Variants in DOCK8 observed in about 807,000 individuals in gnomAD.
The protein encoded by DOCK8 is dedicator of cytokinesis 8, also known as dedicator of cytokinesis protein 8.
A neutral mutation model predicts 245.6 loss-of-function variants in DOCK8; 141 were observed. The ratio of observed to expected loss-of-function variants is 0.57; its 90% CI spans 0.50 to 0.66. The LOEUF is 0.66. Among genes scored for constraint, DOCK8 ranks in the 30% least tolerant of loss-of-function variants. The pLI is 0.00. For synonymous variants in DOCK8, 1,168 were observed against 970.2 expected (o/e 1.20, Z -3.79); for missense variants, 2,965 against 2,603.4 (o/e 1.14, Z -3.02).
chr9:276,598 A>C (rs374200503), intron 2 of DOCK8, among the ~76,000 whole-genome samples: 1 of 152,182 alleles, frequency 6.6e-6, no homozygotes, highest in South Asian at 2.1e-4. Context: ...ACTCCTACCA[A>C]AATCCTTTGT....
chr9:284,869 C>T (rs747944125), intron 2 of DOCK8, among the ~76,000 whole-genome samples: 2 of 152,132 alleles, frequency 1.3e-5, no homozygotes, highest in Admixed American at 6.5e-5. Flanking sequence ...CATGTTCTCA[C>T]TTATAAGTGG....
chr9:242,932 A>T (rs1010967967), intron 1 of DOCK8, among the ~76,000 whole-genome samples: 10 of 152,180 alleles, frequency 6.6e-5, no homozygotes, highest in Admixed American at 5.9e-4. Flanking sequence ...GCCTTACAGC[A>T]TCAGAAAATC....
rs534077939 is a variant in DOCK8, at chr9:457,510, G to A, written c.6068+5393G>A. Among the ~76,000 whole-genome samples the A allele has an allele frequency of 2.0e-4, 30 of 152,228 alleles. No individual in the cohort carries two copies. In the South Asian group the frequency reaches 5.4e-3, roughly 27 times the overall value. ...TAGAGAATTAATCTGACTTAAATAC[G>A]GAGATTGTCTATCCATGATTTGTCT... On this transcript the variant is annotated intron_variant, in intron 46 of 47. Coordinates refer to ENST00000432829, the MANE Select transcript of DOCK8 (RefSeq NM_203447.4).
At chr9:236,057 A>G (rs993173673) in intron 1 of DOCK8, among the ~76,000 whole-genome samples, 5 of 151,624 alleles carry the variant, frequency 3.3e-5, no homozygotes, top group Non-Finnish European at 5.9e-5. Flanking sequence ...CCCCTTATTT[A>G]TTTTTTTCTT....
At position 371,446 on chromosome 9, in the gene DOCK8, A is replaced by G. The variant is rs767354097; in HGVS notation, c.1887A>G (p.Glu629=). Residue 629 remains glutamate (E), a synonymous_variant, in exon 17 of 48, where the codon GAA becomes GAG. Transcript: ENST00000432829. ...TYHNKSPDFY[E]EVKIKLPAKL... ...GAAACAGGTCTCCTGACTTTTATGA[A>G]GAAGTGAAAATTAAGCTCCCCGCTA... 1 of 1,614,234 alleles carries G rather than the reference A, an allele frequency of 6.2e-7. No homozygotes were observed. Among genetic ancestry groups the G allele is most frequent in the Non-Finnish European group, 8.5e-7 (1 of 1,180,028 alleles).
chr9:221,995 T>C (rs1467949237), intron 1 of DOCK8, among the ~76,000 whole-genome samples: 1 of 152,082 alleles, frequency 6.6e-6, no homozygotes. Flanking sequence ...GGCTCATGCC[T>C]GGAACCTGCC....
At chr9:362,504 T>C (rs77075737) in intron 14 of DOCK8, among the ~76,000 whole-genome samples, 1,631 of 152,316 alleles carry the variant, frequency 0.011, 15 homozygotes, top group Non-Finnish European at 0.018. Context: ...AATCCCTCCC[T>C]GTAGGTCATC....
chr9:221,912 T>C (rs114423361), intron 1 of DOCK8, among the ~76,000 whole-genome samples: 4,772 of 151,944 alleles, frequency 0.031, 223 homozygotes, highest in African/African-American at 0.11. Flanking sequence ...ATCCTGTTGA[T>C]TAGATGTAAA....
At chr9:312,378 C>A in intron 6 of DOCK8, 1 of 691,548 alleles carries the variant, frequency 1.4e-6, no homozygotes, top group Non-Finnish European at 2.6e-6. Flanking sequence ...ATAATAATAA[C>A]AACTGGAATT....
chr9:424,361 C>T (rs1203100576), intron 33 of DOCK8, among the ~76,000 whole-genome samples: 1 of 151,972 alleles, frequency 6.6e-6, no homozygotes, highest in African/African-American at 2.4e-5. Context: ...CTATTGCCAC[C>T]AAATCCATTG....
rs200360983 is a variant in DOCK8, at chr9:234,800, A to ATT, written c.53+19779_53+19780dup. Among the ~76,000 whole-genome samples, 27 of 148,968 alleles carry ATT rather than the reference A, an allele frequency of 1.8e-4. No homozygotes were observed. The South Asian group carries it at 4.9e-3, about 27-fold the overall frequency. On this transcript the variant is annotated intron_variant, in intron 1 of 47. Coordinates refer to ENST00000432829, the MANE Select transcript of DOCK8 (RefSeq NM_203447.4). ...GGTTATTCTAGTTATCCATTCGTCT[A>ATT]TTTTTTTTTCAAAGCTTTTAACTTC...
chr9:354,181 A>G (rs2052313410), intron 14 of DOCK8, among the ~76,000 whole-genome samples: 1 of 151,810 alleles, frequency 6.6e-6, no homozygotes, highest in Non-Finnish European at 1.5e-5. Flanking sequence ...AAAATACTAA[A>G]CTTAGCCAGC....
At chr9:245,678 T>C (rs955950127) in intron 1 of DOCK8, among the ~76,000 whole-genome samples, 3 of 152,156 alleles carry the variant, frequency 2.0e-5, no homozygotes, top group African/African-American at 4.8e-5. Context: ...TCATGTGCTC[T>C]AGTGCTGTGA....
At chr9:249,044 C>T (rs1009726426) in intron 1 of DOCK8, among the ~76,000 whole-genome samples, 1 of 152,158 alleles carries the variant, frequency 6.6e-6, no homozygotes, top group African/African-American at 2.4e-5. Context: ...AACCCAATAT[C>T]CTATCTTCTC....
chr9:432,844 G>C (rs1414525685), intron 37 of DOCK8, among the ~76,000 whole-genome samples: 2 of 152,196 alleles, frequency 1.3e-5, no homozygotes, highest in Admixed American at 6.5e-5. Context: ...CCGAGTTTGA[G>C]AGAGCTTGTA....
At chr9:442,830 A>G (rs999964590) in intron 42 of DOCK8, among the ~76,000 whole-genome samples, 10 of 151,210 alleles carry the variant, frequency 6.6e-5, no homozygotes, top group African/African-American at 2.2e-4. Context: ...GTGCCCTCCT[A>G]TGAGTGTAAA....
chr9:373,551 C>G (rs2053389357), intron 18 of DOCK8, among the ~76,000 whole-genome samples: 1 of 152,224 alleles, frequency 6.6e-6, no homozygotes, highest in African/African-American at 2.4e-5. Flanking sequence ...CGCTTTTAAT[C>G]TACAGATCCT....
At chr9:249,037 C>T (rs2047582307) in intron 1 of DOCK8, among the ~76,000 whole-genome samples, 1 of 152,280 alleles carries the variant, frequency 6.6e-6, no homozygotes, top group Non-Finnish European at 1.5e-5. Context: ...CAGGTTGAAC[C>T]CAATATCCTA....
At chr9:245,276 C>T (rs2047481548) in intron 1 of DOCK8, among the ~76,000 whole-genome samples, 1 of 152,184 alleles carries the variant, frequency 6.6e-6, no homozygotes, top group South Asian at 2.1e-4. Context: ...ACAATCTCAG[C>T]TCACTGCAAC....
Sources: gnomAD v4.1 joint callset for allele counts (sites outside exome capture counted in the v4.1 genomes callset) on GRCh38, gnomAD v4.1.1 for gene constraint, MANE v1.5 for transcripts, NCBI Gene and HGNC (gene_info 2026-07-23, HGNC 2026-07-21) for gene names.